Variants in ANKRD26 observed in about 807,000 individuals in gnomAD.
ANKRD26 encodes the protein ankyrin repeat domain-containing protein 26.
A neutral mutation model predicts 208.7 loss-of-function variants in ANKRD26; 141 were observed. The ratio of observed to expected loss-of-function variants is 0.68; its 90% CI spans 0.59 to 0.78. The LOEUF is 0.78. Among genes scored for constraint, ANKRD26 ranks in the 30% least tolerant of loss-of-function variants. ANKRD26 has a pLI of 0.00. For synonymous variants in ANKRD26, 636 were observed against 660.4 expected, an observed-to-expected ratio of 0.96 and a Z score of 0.57; for missense variants, 1,889 against 1,938.7, an observed-to-expected ratio of 0.97 and a Z score of 0.48.
At chr10:26,985,390 T>C (rs1349226987) in intron 3 of ANKRD26, among the ~76,000 whole-genome samples, 1 of 152,210 alleles carries the variant, frequency 6.6e-6, no homozygotes, top group African/African-American at 2.4e-5. Context: ...CCCATTGGAA[T>C]AATGGGTTTA....
chr10:26,973,959 G>GT (rs1554766635), exon 6 of ANKRD26, among the ~76,000 whole-genome samples: 89 of 150,312 alleles, frequency 5.9e-4, no homozygotes, highest in African/African-American at 1.9e-3. Flanking sequence ...GCCTGGCTTT[G>GT]TTCTTTTTTC....
At chr10:27,032,297 G>A (rs1423874386) in intron 25 of ANKRD26, among the ~76,000 whole-genome samples, 8 of 152,226 alleles carry the variant, frequency 5.3e-5, no homozygotes, top group African/African-American at 1.4e-4. Flanking sequence ...TCAGGAATTC[G>A]AGACCAGCCT....
chr10:26,992,542 A>C (rs1034160212), intron 5 of ANKRD26, among the ~76,000 whole-genome samples: 1 of 151,860 alleles, frequency 6.6e-6, no homozygotes, highest in Non-Finnish European at 1.5e-5. Context: ...CCAGATTTAC[A>C]GCAAAATGGA....
intron 16 of ANKRD26, chr10:27,051,058 C>T (rs1305649442): frequency 4.0e-6 from 5 of 1,237,790 alleles, no homozygotes; most frequent in Non-Finnish European, 5.2e-6. Context: ...CAAACCTCTA[C>T]CTCTTTTTGA....
rs778383130 is a variant in ANKRD26 at position 27,060,374 on chromosome 10, C to T, written c.1535G>A (p.Gly512Glu). 4.6e-5 allele frequency: 74 copies of T among 1,612,776 alleles called. No homozygotes were observed. The highest frequency in any genetic ancestry group is 6.3e-5 in the Non-Finnish European group (74 of 1,178,998). ...MKDSVPNKAG[G>E]MKDVQTSKAA... is the part of the protein sequence containing the mutation. Reference sequence around the variant, plus strand: ...TTTGGATGTTTGTACATCCTTCATTCCTCCTGCTTTATTTGGAACAGAATC... The same window carrying T: ...TTTGGATGTTTGTACATCCTTCATTTCTCCTGCTTTATTTGGAACAGAATC... Residue 512 changes from glycine (G) to glutamate (E), a missense_variant, in exon 15 of 34, where the codon GGA (glycine) becomes GAA (glutamate). Transcript: ENST00000376087.
chr10:26,993,960 G>T (rs1345304177), intron 5 of ANKRD26, among the ~76,000 whole-genome samples: 1 of 152,226 alleles, frequency 6.6e-6, no homozygotes, highest in Non-Finnish European at 1.5e-5. Context: ...AAACAAGGTT[G>T]TGAAATTCAT....
At chr10:27,048,254 T>C (rs2054528053) in intron 17 of ANKRD26, among the ~76,000 whole-genome samples, 1 of 152,224 alleles carries the variant, frequency 6.6e-6, no homozygotes, top group African/African-American at 2.4e-5. Flanking sequence ...ACATTTGGGA[T>C]ACTATAATAA....
At chr10:26,997,504 T>A (rs953451489) in intron 4 of ANKRD26, among the ~76,000 whole-genome samples, 1 of 152,184 alleles carries the variant, frequency 6.6e-6, no homozygotes, top group Non-Finnish European at 1.5e-5. Flanking sequence ...CAGTCCCGTT[T>A]CAAGTGTCCC....
chr10:27,079,700 A>C (rs1236699822), intron 6 of ANKRD26, among the ~76,000 whole-genome samples: 1 of 152,064 alleles, frequency 6.6e-6, no homozygotes, highest in African/African-American at 2.4e-5. Flanking sequence ...CTAAAATACA[A>C]AAATTAACCA....
the ANKRD26 span, among the ~76,000 whole-genome samples, chr10:26,959,279 A>G: frequency 1.4e-5 from 2 of 147,064 alleles, no homozygotes; most frequent in South Asian, 2.1e-4. Context: ...TTGTGTCTCA[A>G]AAAAAAAAAA....
chr10:27,068,396 A>C (rs1002681051), intron 9 of ANKRD26, among the ~76,000 whole-genome samples: 11 of 152,242 alleles, frequency 7.2e-5, no homozygotes, highest in African/African-American at 2.7e-4. Context: ...AGAGTCAATT[A>C]AACCTCTTTC....
chr10:27,022,779 A>G, intron 28 of ANKRD26, 92 bp from the exon 29 acceptor site: 1 of 1,160,812 alleles, frequency 8.6e-7, no homozygotes, highest in Non-Finnish European at 1.2e-6. Context: ...GCATGTAAGA[A>G]AAACAAATGA....
chr10:27,071,358 T>C (rs2055488212), intron 9 of ANKRD26, among the ~76,000 whole-genome samples: 1 of 150,012 alleles, frequency 6.7e-6, no homozygotes. Context: ...TTTTTTTTAG[T>C]AGGGACGGGG....
chr10:26,990,612 C>T (rs2052469225), downstream of ANKRD26, among the ~76,000 whole-genome samples: 1 of 152,128 alleles, frequency 6.6e-6, no homozygotes, highest in East Asian at 1.9e-4. Flanking sequence ...TAATCCGAGC[C>T]ATGTCTATGG....
intron 15 of ANKRD26, among the ~76,000 whole-genome samples, chr10:27,059,135 C>T (rs915645208): frequency 1.3e-5 from 2 of 152,030 alleles, no homozygotes; most frequent in African/African-American, 2.4e-5. Context: ...GGGATGGTCT[C>T]GATCTCCTGA....
chr10:26,988,465 C>T (rs1260343710), downstream of ANKRD26, among the ~76,000 whole-genome samples: 1 of 152,060 alleles, frequency 6.6e-6, no homozygotes, highest in African/African-American at 2.4e-5. Context: ...AGCATAGAGC[C>T]TCAGGGAAAA....
In ANKRD26 at chr10:27,033,337, A is replaced by C; in HGVS notation, c.3695T>G (p.Leu1232Arg). The C allele has an allele frequency of 6.2e-7, 1 of 1,611,832 alleles. No individual in the cohort carries two copies. Among genetic ancestry groups the C allele is most frequent in the Non-Finnish European group, 8.5e-7 (1 of 1,178,496 alleles). The part of the protein sequence containing the change: ...RQLQQELADT[L>R]KKQSMSEASL... ...AGCCTCTGACATAGATTGTTTTTTTAGGGTATCAGCTAGTTCTTGTTGAAG... is the reference window on the plus strand; with the variant it reads ...AGCCTCTGACATAGATTGTTTTTTTCGGGTATCAGCTAGTTCTTGTTGAAG... The change falls in exon 25 of 34, where the codon CTA becomes CGA. Residue 1232 changes from leucine (L) to arginine (R), a missense_variant. Coordinates refer to ENST00000376087, the MANE Select transcript of ANKRD26 (RefSeq NM_014915.3).
At chr10:27,067,571 AG>A (rs1420176401) in intron 9 of ANKRD26, among the ~76,000 whole-genome samples, 2 of 152,134 alleles carry the variant, frequency 1.3e-5, no homozygotes, top group African/African-American at 2.4e-5. Flanking sequence ...GAAGGCAAAG[AG>A]GGGGCAGGTG....
At chr10:27,060,660 T>C in intron 13 of ANKRD26, 120 bp from the exon 14 acceptor site, 1 of 818,536 alleles carries the variant, frequency 1.2e-6, no homozygotes. Flanking sequence ...ATTATGTTAA[T>C]TTTTGGGATG....
Sources: allele counts gnomAD v4.1 joint callset (sites outside exome capture counted in the v4.1 genomes callset), GRCh38; gene constraint gnomAD v4.1.1; transcripts MANE v1.5; gene names NCBI Gene and HGNC (gene_info 2026-07-23, HGNC 2026-07-21).